PDK1: variants seen among roughly 807,000 people sequenced by gnomAD.
PDK1 encodes pyruvate dehydrogenase kinase 1.
Under a neutral mutation model 54.2 loss-of-function variants are expected in PDK1, and 39 were observed. That is an observed-to-expected ratio of 0.72 (90% confidence interval 0.56 to 0.94). The LOEUF is 0.94. Ranked by LOEUF, PDK1 falls within the 40% of genes least tolerant of loss-of-function variation. PDK1 has a pLI of 0.00. For missense variants in PDK1, 552 were observed against 566.0 expected, an observed-to-expected ratio of 0.98 and a Z score of 0.25; for synonymous variants, 221 against 207.1, an observed-to-expected ratio of 1.07 and a Z score of -0.58.
chr2:172,601,912 A>T lies in PDK1; in HGVS notation c.*5943A>T, dbSNP rs942539370. The T allele has an allele frequency of 6.6e-6, 1 of 152,226 alleles. No homozygotes were observed. The highest frequency in any genetic ancestry group is 1.5e-5 in the Non-Finnish European group (1 of 68,032). 9.4% of individuals were successfully genotyped at this position (152,226 alleles called of 1,614,324 possible). A position where few individuals can be genotyped will look rare whatever the true frequency, so the allele number is the denominator to read the frequency against. On this transcript the variant is annotated 3_prime_UTR_variant, in exon 11 of 11. Coordinates refer to ENST00000282077, the MANE Select transcript of PDK1 (RefSeq NM_002610.5). ...TCATAAGAATACCATTAACTTTATG[A>T]TAAAAATTTTGTAAGTGGAGAAGAA...
intron 6 of PDK1, among the ~76,000 whole-genome samples, chr2:172,568,452 G>A (rs145569891): frequency 1.5e-3 from 225 of 151,700 alleles, no homozygotes; most frequent in African/African-American, 5.1e-3. Context: ...AAAGTTAAGC[G>A]ATCTTAAAAA....
chr2:172,581,691 A>G (rs1238657545), intron 8 of PDK1, among the ~76,000 whole-genome samples: 4 of 152,042 alleles, frequency 2.6e-5, no homozygotes, highest in Non-Finnish European at 4.4e-5. Flanking sequence ...TTTGATCCCC[A>G]TTACTTACCC....
downstream of PDK1, among the ~76,000 whole-genome samples, chr2:172,609,738 A>G (rs976778293): frequency 6.6e-6 from 1 of 152,224 alleles, no homozygotes; most frequent in Non-Finnish European, 1.5e-5. Context: ...AGTAAACTCA[A>G]TTATCCATCT....
the PDK1 span, among the ~76,000 whole-genome samples, chr2:172,709,231 T>G: frequency 0.033 from 4,974 of 152,276 alleles, 272 homozygotes; most frequent in African/African-American, 0.11. Flanking sequence ...TCTCGTCTTG[T>G]GGGACCATCT....
At chr2:172,723,538 A>G in the PDK1 span, 9 of 152,358 alleles carry the variant, frequency 5.9e-5, no homozygotes, top group African/African-American at 1.9e-4. Flanking sequence ...GAGTCTTTTA[A>G]AAATGTCAAT....
chr2:172,619,406 C>T, the PDK1 span, among the ~76,000 whole-genome samples: 1 of 152,158 alleles, frequency 6.6e-6, no homozygotes, highest in South Asian at 2.1e-4. Context: ...TGAAGGGAAG[C>T]AGAGGACCAG....
chr2:172,673,863 G>A, the PDK1 span, among the ~76,000 whole-genome samples: 75 of 152,324 alleles, frequency 4.9e-4, no homozygotes, highest in African/African-American at 1.6e-3. Context: ...CAACCCATCT[G>A]ACAAGTGGCA....
At chr2:172,594,004 G>A (rs1280407951) in intron 10 of PDK1, among the ~76,000 whole-genome samples, 2 of 151,040 alleles carry the variant, frequency 1.3e-5, no homozygotes, top group African/African-American at 2.4e-5. Context: ...TGTCAATTGC[G>A]AGGGAAAAGG....
intron 10 of PDK1, among the ~76,000 whole-genome samples, chr2:172,595,047 A>G (rs1690814544): frequency 6.6e-6 from 1 of 152,182 alleles, no homozygotes; most frequent in African/African-American, 2.4e-5. Context: ...TCTATTTATT[A>G]ATAATGTTAT....
At chr2:172,566,475 T>A (rs1020242615) in intron 5 of PDK1, among the ~76,000 whole-genome samples, 1 of 152,030 alleles carries the variant, frequency 6.6e-6, no homozygotes, top group African/African-American at 2.4e-5. Context: ...GAGAATCGCT[T>A]GAACCAGGGA....
At chr2:172,623,522 G>T in the PDK1 span, among the ~76,000 whole-genome samples, 1 of 152,150 alleles carries the variant, frequency 6.6e-6, no homozygotes, top group African/African-American at 2.4e-5. Context: ...CTCATGACTG[G>T]CAATATTAAT....
chr2:172,714,602 G>A, the PDK1 span, among the ~76,000 whole-genome samples: 4 of 142,924 alleles, frequency 2.8e-5, no homozygotes, highest in African/African-American at 7.7e-5. Context: ...ACAAATAAAT[G>A]TATTATTAAA....
the PDK1 span, among the ~76,000 whole-genome samples, chr2:172,696,532 A>G: frequency 6.6e-6 from 1 of 152,218 alleles, no homozygotes; most frequent in Non-Finnish European, 1.5e-5. Context: ...AGCTGCTCTC[A>G]TAATCTGAGA....
At chr2:172,649,708 C>T in the PDK1 span, among the ~76,000 whole-genome samples, 21 of 151,982 alleles carry the variant, frequency 1.4e-4, no homozygotes, top group African/African-American at 2.7e-4. Context: ...CTTCAGTAGC[C>T]GATTTGATCA....
chr2:172,723,274 T>C, the PDK1 span: 1 of 152,190 alleles, frequency 6.6e-6, no homozygotes, highest in Admixed American at 6.5e-5. Context: ...TATTATACTA[T>C]TCTTTTGATG....
At chr2:172,647,433 C>A in the PDK1 span, among the ~76,000 whole-genome samples, 1 of 151,916 alleles carries the variant, frequency 6.6e-6, no homozygotes, top group Non-Finnish European at 1.5e-5. Context: ...AGAAACTGCT[C>A]AAAAAATAAT....
At chr2:172,633,316 G>C in the PDK1 span, among the ~76,000 whole-genome samples, 2 of 151,146 alleles carry the variant, frequency 1.3e-5, no homozygotes, top group Non-Finnish European at 1.5e-5. Context: ...CCAAAGCACT[G>C]GGATTACAAG....
rs1691299333 is a variant in PDK1 at position 172,606,502 on chromosome 2, T to C, written c.*10533T>C. 6.6e-6 allele frequency: 1 copy of C among 152,236 alleles called. No homozygotes were observed. The highest frequency in any genetic ancestry group is 2.1e-4 in the South Asian group (1 of 4,832). The allele number at this position is 152,236 out of a possible 1,614,324, so 9.4% of individuals were successfully genotyped here. A position where few individuals can be genotyped will look rare whatever the true frequency, so the allele number is the denominator to read the frequency against. ...AGTAACTTCGGTAATTAGAAACATCTGCACTCAGCAACATGAAGCACAAGT... is the reference window on the plus strand; with the variant it reads ...AGTAACTTCGGTAATTAGAAACATCCGCACTCAGCAACATGAAGCACAAGT... On this transcript the variant is annotated 3_prime_UTR_variant, in exon 11 of 11. Coordinates refer to ENST00000282077, the MANE Select transcript of PDK1 (RefSeq NM_002610.5).
intron 8 of PDK1, among the ~76,000 whole-genome samples, chr2:172,583,280 GGTTTTTTTTTTTTTTTTT>G (rs1176624087): frequency 2.1e-5 from 2 of 93,918 alleles, no homozygotes; most frequent in Non-Finnish European, 4.1e-5. Flanking sequence ...AAAGTTTTCT[GGTTTTTTTTTTTTTTTTT>G]TTTTTTTTTT....
Sources: gnomAD v4.1 joint callset for allele counts (sites outside exome capture counted in the v4.1 genomes callset) on GRCh38, gnomAD v4.1.1 for gene constraint, MANE v1.5 for transcripts, NCBI Gene and HGNC (gene_info 2026-07-23, HGNC 2026-07-21) for gene names.